CSMD1: variants seen among roughly 807,000 people sequenced by gnomAD.
CSMD1 encodes the protein CUB and Sushi multiple domains 1.
CSMD1 carries 213 observed loss-of-function variants against 417.5 expected under a neutral mutation model. The ratio of observed to expected loss-of-function variants is 0.51; its 90% CI spans 0.46 to 0.57. The LOEUF is 0.57. Among genes scored for constraint, CSMD1 ranks in the 20% least tolerant of loss-of-function variants. CSMD1 has a pLI of 0.00. For missense variants in CSMD1, 6,923 were observed against 4,529.7 expected (o/e 1.53, Z -15.17); for synonymous variants, 2,862 against 1,736.8 (o/e 1.65, Z -16.11).
intron 3 of CSMD1, among the ~76,000 whole-genome samples, chr8:4,218,146 C>T (rs932207120): frequency 2.6e-5 from 4 of 152,214 alleles, no homozygotes; most frequent in Non-Finnish European, 4.4e-5. Context: ...GTAACTCCTA[C>T]ATGCTGAACG....
intron 26 of CSMD1, among the ~76,000 whole-genome samples, chr8:3,272,600 A>C (rs1332047663): frequency 1.5e-5 from 2 of 135,982 alleles, no homozygotes; most frequent in African/African-American, 5.7e-5. Flanking sequence ...ATCTTCTTTT[A>C]TTTCCTTGAG....
chr8:3,972,851 T>A (rs1362043342), intron 5 of CSMD1, among the ~76,000 whole-genome samples: 1 of 151,986 alleles, frequency 6.6e-6, no homozygotes, highest in Non-Finnish European at 1.5e-5. Flanking sequence ...TACCTCAGAA[T>A]CTTATAAAAG....
At chr8:4,520,101 G>T (rs563443020) in intron 2 of CSMD1, among the ~76,000 whole-genome samples, 2 of 152,216 alleles carry the variant, frequency 1.3e-5, no homozygotes, top group Admixed American at 1.3e-4. Context: ...TAGTCATGAT[G>T]TTCTGGTTTT....
At position 3,928,074 on chromosome 8, in the gene CSMD1, G is replaced by GT. The variant is rs1809874105; in HGVS notation, c.818+69828_818+69829insA. Among the ~76,000 whole-genome samples the GT allele has an allele frequency of 1.3e-5, 2 of 151,956 alleles. 1 individual carries two copies. Among genetic ancestry groups the GT allele is most frequent in the South Asian group, 4.1e-4 (2 of 4,826 alleles). On this transcript the variant is annotated intron_variant, in intron 5 of 69. Transcript: ENST00000635120. The stretch of plus-strand genomic sequence containing the variant: ...TCTTAAATTTCCCCACTTTATTCAA[G>GT]GAGGCCTGAGTTTATGAAAGTATAA...
chr8:4,464,340 A>C (rs168274), intron 2 of CSMD1, among the ~76,000 whole-genome samples: 1 of 152,196 alleles, frequency 6.6e-6, no homozygotes, highest in Non-Finnish European at 1.5e-5. Context: ...TTATGTTCTA[A>C]TAAAAACATT....
At chr8:4,179,205 G>C (rs1021330773) in intron 3 of CSMD1, among the ~76,000 whole-genome samples, 9 of 152,086 alleles carry the variant, frequency 5.9e-5, no homozygotes, top group African/African-American at 1.5e-4. Context: ...AACCAAAACA[G>C]CATGGTACTG....
Position 2,973,130 on chromosome 8 carries a change from C to G in CSMD1, c.8910G>C (p.Gln2970His). The G allele has an allele frequency of 6.2e-7, 1 of 1,613,670 alleles. No individual in the cohort carries two copies. The highest frequency in any genetic ancestry group is 8.5e-7 in the Non-Finnish European group (1 of 1,179,646). Residue 2970 changes from glutamine (Q) to histidine (H), a missense_variant, in exon 57 of 70, where the codon CAG (glutamine) becomes CAC (histidine). Transcript: ENST00000635120. Reference protein sequence around the residue: ...CLLNGSWSGLQPVCEAVSCGN... With the variant: ...CLLNGSWSGLHPVCEAVSCGN... ...CTGGCTACTCACCCTCACACACCGG[C>G]TGCAGTCCTGACCATGACCCATTGA...
intron 3 of CSMD1, among the ~76,000 whole-genome samples, chr8:4,166,745 A>T (rs1222403112): frequency 6.6e-6 from 1 of 152,196 alleles, no homozygotes; most frequent in Non-Finnish European, 1.5e-5. Flanking sequence ...ATTGCCCCAA[A>T]ACTATTGAAG....
chr8:3,039,948 C>G (rs549047163), intron 50 of CSMD1, among the ~76,000 whole-genome samples: 1 of 152,102 alleles, frequency 6.6e-6, no homozygotes, highest in Non-Finnish European at 1.5e-5. Context: ...AGTCATAGCA[C>G]GGAATTCTCT....
At position 4,193,249 on chromosome 8, in the gene CSMD1, G is replaced by C. The variant is rs887499614; in HGVS notation, c.416-161150C>G. On this transcript the variant is annotated intron_variant, in intron 3 of 69. Transcript: ENST00000635120. ...CCACAAACGTAAAACCTTAACGACA[G>C]GGTATTGTGAAAATACGTTGCATCA... Among the ~76,000 whole-genome samples, 5 of 152,248 alleles carry C rather than the reference G, an allele frequency of 3.3e-5. No homozygotes were observed. In the South Asian group the frequency reaches 1.0e-3, roughly 32 times the overall value.
chr8:3,807,008 A>G (rs1800777215), intron 5 of CSMD1, among the ~76,000 whole-genome samples: 1 of 152,192 alleles, frequency 6.6e-6, no homozygotes, highest in African/African-American at 2.4e-5. Context: ...AACTGGCTAG[A>G]GGGCTAGAAA....
At chr8:4,535,006 C>T (rs1797032037) in intron 2 of CSMD1, among the ~76,000 whole-genome samples, 1 of 152,162 alleles carries the variant, frequency 6.6e-6, no homozygotes, top group African/African-American at 2.4e-5. Flanking sequence ...CGTGATCTGC[C>T]TGCCTCAGCC....
At chr8:2,970,428 G>A (rs1388583476) in intron 57 of CSMD1, among the ~76,000 whole-genome samples, 1 of 152,098 alleles carries the variant, frequency 6.6e-6, no homozygotes, top group Non-Finnish European at 1.5e-5. Flanking sequence ...ACCAAGTTCA[G>A]GCTGCAAACC....
chr8:4,952,591 G>T (rs1808825579), intron 1 of CSMD1, among the ~76,000 whole-genome samples: 1 of 151,890 alleles, frequency 6.6e-6, no homozygotes, highest in Non-Finnish European at 1.5e-5. Context: ...CTATGATTTT[G>T]TATTTAATTC....
Position 3,091,641 on chromosome 8 carries a change from A to G in CSMD1, c.7160T>C (p.Leu2387Pro), listed in dbSNP as rs1814956451. The part of the protein sequence containing the change: ...VFDGSSGQSP[L>P]LVVLSGNHTE... The stretch of plus-strand genomic sequence containing the variant: ...ATGATTCCCACTTAAGACTACTAGC[A>G]GAGGACTTTGCCCAGAAGAACCTAA... The change falls in exon 48 of 70, where the codon CTG becomes CCG. Residue 2387 changes from leucine to proline, a missense_variant. Transcript: ENST00000635120. 6.2e-7 allele frequency: 1 copy of G among 1,610,526 alleles called. No individual in the cohort carries two copies. Among genetic ancestry groups the G allele is most frequent in the African/African-American group, 1.3e-5 (1 of 74,962 alleles).
At chr8:4,184,571 T>G (rs558834008) in intron 3 of CSMD1, among the ~76,000 whole-genome samples, 2 of 152,068 alleles carry the variant, frequency 1.3e-5, no homozygotes, top group South Asian at 2.1e-4. Flanking sequence ...TGAGCATGGA[T>G]GGAGCTGTAG....
At chr8:3,406,509 TGGTG>T (rs1194682258) in intron 14 of CSMD1, among the ~76,000 whole-genome samples, 1 of 152,108 alleles carries the variant, frequency 6.6e-6, no homozygotes, top group East Asian at 1.9e-4. Flanking sequence ...AGAACTGATA[TGGTG>T]GGTGGTAGAA....
chr8:4,803,193 G>A (rs1006816357), intron 1 of CSMD1, among the ~76,000 whole-genome samples: 3 of 151,902 alleles, frequency 2.0e-5, no homozygotes, highest in Non-Finnish European at 4.4e-5. Context: ...GTTGATCCTG[G>A]CCACTTTCCA....
intron 3 of CSMD1, among the ~76,000 whole-genome samples, chr8:4,412,127 C>T (rs988730198): frequency 6.6e-6 from 1 of 151,934 alleles, no homozygotes; most frequent in Non-Finnish European, 1.5e-5. Context: ...TTAGCCAGGG[C>T]AAATGATTAG....
Sources: gnomAD v4.1 joint callset for allele counts (sites outside exome capture counted in the v4.1 genomes callset) on GRCh38, gnomAD v4.1.1 for gene constraint, MANE v1.5 for transcripts, NCBI Gene and HGNC (gene_info 2026-07-23, HGNC 2026-07-21) for gene names.